Variants in TXNDC16 observed in about 807,000 individuals in gnomAD.
TXNDC16 encodes the protein thioredoxin domain-containing protein 16.
Under a neutral mutation model 85.6 loss-of-function variants are expected in TXNDC16, and 74 were observed. The ratio of observed to expected loss-of-function variants is 0.86; its 90% CI spans 0.72 to 1.05. The LOEUF (loss-of-function observed/expected upper bound fraction) is 1.05. Ranked by LOEUF, TXNDC16 falls within the 50% of genes least tolerant of loss-of-function variation. The pLI is 0.00. For missense variants in TXNDC16, 959 were observed against 947.0 expected (o/e 1.01, Z -0.17); for synonymous variants, 335 against 326.5 (o/e 1.03, Z -0.28).
In TXNDC16 at chr14:52,448,970, A is replaced by T. The variant is rs547210833; in HGVS notation, c.1842+6354T>A. ...AAACAAAACAAATACACACAAAAAA[A>T]TTTTAAAAAAATTAAATCATATCAC... is the stretch of plus-strand genomic sequence containing the variant. On this transcript the variant is annotated intron_variant, in intron 18 of 20. Transcript: ENST00000281741. 2.0e-5 allele frequency among the ~76,000 whole-genome samples: 3 copies of T among 152,244 alleles called. No homozygotes were observed. The South Asian group carries it at 6.2e-4, about 32-fold the overall frequency.
intron 8 of TXNDC16, among the ~76,000 whole-genome samples, chr14:52,511,606 G>A (rs919244014): frequency 5.3e-5 from 8 of 151,984 alleles, no homozygotes; most frequent in Admixed American, 6.6e-5. Flanking sequence ...AACCACACGA[G>A]TTGTATAAAC....
At chr14:52,541,887 G>A (rs889777552) in intron 4 of TXNDC16, among the ~76,000 whole-genome samples, 12 of 152,064 alleles carry the variant, frequency 7.9e-5, no homozygotes, top group African/African-American at 2.7e-4. Flanking sequence ...ATGTTGAGTC[G>A]TTATAACTTT....
At chr14:52,466,289 A>G (rs1464548552) in intron 16 of TXNDC16, among the ~76,000 whole-genome samples, 2 of 147,124 alleles carry the variant, frequency 1.4e-5, no homozygotes, top group Non-Finnish European at 3.0e-5. Flanking sequence ...ACAACCTGGG[A>G]GAATGAGGCA....
chr14:52,534,985 G>A (rs1033250599), intron 6 of TXNDC16, among the ~76,000 whole-genome samples: 6 of 152,214 alleles, frequency 3.9e-5, no homozygotes, highest in Middle Eastern at 3.4e-3. Flanking sequence ...CAGGGTCCTC[G>A]GTCCTCTCCA....
chr14:52,508,126 G>A (rs2036858869), intron 9 of TXNDC16, among the ~76,000 whole-genome samples: 1 of 152,066 alleles, frequency 6.6e-6, no homozygotes, highest in Non-Finnish European at 1.5e-5. Flanking sequence ...GAGTGAACAG[G>A]CAACCTACAG....
At chr14:52,524,919 G>C (rs531416378) in intron 6 of TXNDC16, among the ~76,000 whole-genome samples, 21 of 152,058 alleles carry the variant, frequency 1.4e-4, no homozygotes, top group African/African-American at 4.6e-4. Flanking sequence ...TCCGGAGTTT[G>C]AGACCAGCCT....
intron 6 of TXNDC16, among the ~76,000 whole-genome samples, chr14:52,520,816 C>T: frequency 6.6e-6 from 1 of 152,004 alleles, no homozygotes; most frequent in East Asian, 1.9e-4. Context: ...CACTCAAATA[C>T]TTCAAATAAA....
chr14:52,523,052 T>C (rs2037245441), intron 6 of TXNDC16, among the ~76,000 whole-genome samples: 1 of 152,206 alleles, frequency 6.6e-6, no homozygotes, highest in Non-Finnish European at 1.5e-5. Context: ...CTTCCTCACT[T>C]TAATATATTC....
At chr14:52,528,843 AT>A (rs1406071288) in intron 6 of TXNDC16, among the ~76,000 whole-genome samples, 1 of 146,556 alleles carries the variant, frequency 6.8e-6, no homozygotes, top group East Asian at 2.0e-4. Context: ...ATATATATAT[AT>A]ATGTGTGTGT....
chr14:52,481,816 T>A (rs78364900), intron 14 of TXNDC16, among the ~76,000 whole-genome samples: 1 of 152,130 alleles, frequency 6.6e-6, no homozygotes, highest in South Asian at 2.1e-4. Context: ...GAGTAAACTA[T>A]ATAGTTTCAA....
At chr14:52,477,557 C>T (rs1460413930) in intron 14 of TXNDC16, among the ~76,000 whole-genome samples, 2 of 152,048 alleles carry the variant, frequency 1.3e-5, no homozygotes, top group Non-Finnish European at 2.9e-5. Context: ...TTTAAAGCAA[C>T]AGCAGTTATA....
At chr14:52,459,588 C>T (rs567229923) in intron 16 of TXNDC16, among the ~76,000 whole-genome samples, 8 of 152,300 alleles carry the variant, frequency 5.3e-5, no homozygotes, top group African/African-American at 1.9e-4. Flanking sequence ...CCAGCATCAT[C>T]CTGATACCAT....
At chr14:52,480,975 G>GTATATATATATATATATATA (rs141877325) in intron 14 of TXNDC16, among the ~76,000 whole-genome samples, 2 of 135,000 alleles carry the variant, frequency 1.5e-5, no homozygotes, top group African/African-American at 5.6e-5. Flanking sequence ...ATATATATAT[G>GTATATATATATATATATATA]TATATATATA....
rs2035138955 is a variant in TXNDC16 at position 52,440,483 on chromosome 14, G to C, written c.2003+81C>G. 3 of 1,211,222 alleles carry C rather than the reference G, an allele frequency of 2.5e-6. No homozygotes were observed. The Admixed American group carries it at 9.6e-5, about 39-fold the overall frequency. The allele number at this position is 1,211,222 out of a possible 1,614,324, so 75.0% of individuals were successfully genotyped here. A position where few individuals can be genotyped will look rare whatever the true frequency, so the allele number is the denominator to read the frequency against. ...CCATAAAATTAACTCCAAAGAGTTA[G>C]AGAGTTTCGTTTCCTAATGAAAATG... is the stretch of plus-strand genomic sequence containing the variant. On this transcript the variant is annotated intron_variant, in intron 19 of 20. Transcript: ENST00000281741.
chr14:52,472,896 T>G (rs1203936436), intron 14 of TXNDC16, among the ~76,000 whole-genome samples: 1 of 152,188 alleles, frequency 6.6e-6, no homozygotes, highest in African/African-American at 2.4e-5. Context: ...CGGCAGGAAC[T>G]AAGGACTAGA....
At chr14:52,497,880 C>CA (rs36007755) in intron 9 of TXNDC16, among the ~76,000 whole-genome samples, 8,188 of 95,260 alleles carry the variant, frequency 0.086, 369 homozygotes, top group Admixed American at 0.14. Flanking sequence ...GACTCTGTCT[C>CA]AAAAAAAAAA....
intron 6 of TXNDC16, among the ~76,000 whole-genome samples, chr14:52,528,363 G>A (rs2037387121): frequency 6.6e-6 from 1 of 152,024 alleles, no homozygotes; most frequent in South Asian, 2.1e-4. Flanking sequence ...AGTATTTTGA[G>A]AACAATCCAA....
intron 14 of TXNDC16, among the ~76,000 whole-genome samples, chr14:52,477,714 A>G (rs986110540): frequency 2.0e-5 from 3 of 152,182 alleles, no homozygotes; most frequent in South Asian, 4.1e-4. Flanking sequence ...GATAGACAGC[A>G]ACATCATAAT....
At chr14:52,547,774 T>G (rs1301682578) in intron 1 of TXNDC16, among the ~76,000 whole-genome samples, 1 of 152,206 alleles carries the variant, frequency 6.6e-6, no homozygotes, top group African/African-American at 2.4e-5. Context: ...TGCTGGGCAT[T>G]ACTCAGAGAT....
Sources: gnomAD v4.1 joint callset for allele counts (sites outside exome capture counted in the v4.1 genomes callset) on GRCh38, gnomAD v4.1.1 for gene constraint, MANE v1.5 for transcripts, NCBI Gene and HGNC (gene_info 2026-07-23, HGNC 2026-07-21) for gene names.